The following EMC1 variants were observed in gnomAD, a reference collection of about 807,000 sequenced individuals.
EMC1 encodes the protein KIAA0090.
Under a neutral mutation model 128.8 loss-of-function variants are expected in EMC1, and 103 were observed. The observed-to-expected ratio is 0.80, with a 90% CI of 0.68 to 0.94. The LOEUF is 0.94. Among genes scored for constraint, EMC1 ranks in the 40% least tolerant of loss-of-function variants. EMC1 has a pLI of 0.00. For synonymous variants in EMC1, 442 were observed against 490.4 expected (o/e 0.90, Z 1.30); for missense variants, 1,083 against 1,250.6 (o/e 0.87, Z 2.02).
intron 21 of EMC1, chr1:19,219,948 T>C: frequency 2.1e-6 from 1 of 472,468 alleles, no homozygotes; most frequent in South Asian, 2.9e-5. Flanking sequence ...AGAAAGAACA[T>C]ACAGATGACT....
At chr1:19,249,125 T>C (rs763961589) in intron 1 of EMC1, among the ~76,000 whole-genome samples, 9 of 152,210 alleles carry the variant, frequency 5.9e-5, no homozygotes, top group African/African-American at 1.2e-4. Flanking sequence ...ATAAAATGTT[T>C]GTAAAGTAAA....
At chr1:19,241,935 G>A (rs911747267) in intron 5 of EMC1, among the ~76,000 whole-genome samples, 19 of 152,076 alleles carry the variant, frequency 1.2e-4, no homozygotes, top group African/African-American at 4.3e-4. Flanking sequence ...GCAGGACCTC[G>A]AGAAACCATT....
intron 21 of EMC1, chr1:19,219,912 A>C (rs1558089148): frequency 3.6e-6 from 2 of 551,502 alleles, no homozygotes; most frequent in East Asian, 5.8e-5. Context: ...TGAGATCTAG[A>C]TTCCTACTTT....
rs1021079258 is a variant in EMC1, at chr1:19,217,368, T to C, written c.*1935A>G. On this transcript the variant is annotated 3_prime_UTR_variant, in exon 23 of 23. Transcript: ENST00000477853. Reference sequence around the variant, plus strand: ...TTCGAGACCAGCCTGGCCAACACAATGAAACCCCGTCTCTACTAAAAATAC... The same window carrying C: ...TTCGAGACCAGCCTGGCCAACACAACGAAACCCCGTCTCTACTAAAAATAC... 1 of 152,326 alleles carries C rather than the reference T, an allele frequency of 6.6e-6. No homozygotes were observed. Among genetic ancestry groups the C allele is most frequent in the Admixed American group, 6.5e-5 (1 of 15,284 alleles). The allele number at this position is 152,326 out of a possible 1,614,324, so 9.4% of individuals were successfully genotyped here. A position where few individuals can be genotyped will look rare whatever the true frequency, so the allele number is the denominator to read the frequency against.
rs182507300 is a variant in EMC1, at chr1:19,244,688, C to A, written c.220+218G>T. 31 of 456,916 alleles carry A rather than the reference C, an allele frequency of 6.8e-5. No homozygotes were observed. In the East Asian group the frequency reaches 1.3e-3, roughly 18 times the overall value. 28.3% of individuals were successfully genotyped at this position (456,916 alleles called of 1,614,324 possible). On this transcript the variant is annotated intron_variant, in intron 2 of 22. Transcript: ENST00000477853. Reference sequence around the variant, plus strand: ...CAGCAATATCTTATTTAAGGACACTCAGGATTCAAGCTGAGAGAACAAACC... The same window carrying A: ...CAGCAATATCTTATTTAAGGACACTAAGGATTCAAGCTGAGAGAACAAACC...
At chr1:19,226,686 G>C (rs1234858740) in intron 18 of EMC1, among the ~76,000 whole-genome samples, 1 of 151,490 alleles carries the variant, frequency 6.6e-6, no homozygotes, top group Non-Finnish European at 1.5e-5. Context: ...CTCCCGAGTA[G>C]CTGAGACCAC....
At chr1:19,221,058 C>G in intron 20 of EMC1, 1 of 399,312 alleles carries the variant, frequency 2.5e-6, no homozygotes. Flanking sequence ...TCTTAACTTT[C>G]TGAGACACCA....
intron 20 of EMC1, chr1:19,221,779 A>AT (rs145060121): frequency 2.0e-5 from 3 of 152,122 alleles, no homozygotes; most frequent in Non-Finnish European, 2.9e-5. Flanking sequence ...TAAGGATGAG[A>AT]TTTTAGGGCT....
At chr1:19,244,365 G>A (rs1314409609) in intron 2 of EMC1, among the ~76,000 whole-genome samples, 1 of 152,184 alleles carries the variant, frequency 6.6e-6, no homozygotes, top group Non-Finnish European at 1.5e-5. Context: ...GTAATTAAGT[G>A]AGGGTATCTG....
chr1:19,251,337 T>G, intron 1 of EMC1, 78 bp downstream of exon 1: 3 of 1,335,950 alleles, frequency 2.2e-6, no homozygotes, highest in Middle Eastern at 3.6e-4. Flanking sequence ...TCCTGTTAAG[T>G]GACAACCTTT....
At chr1:19,235,531 C>G (rs1197549212) in intron 12 of EMC1, among the ~76,000 whole-genome samples, 1 of 152,120 alleles carries the variant, frequency 6.6e-6, no homozygotes, top group Non-Finnish European at 1.5e-5. Flanking sequence ...TGAAACCCCT[C>G]TCTACTAAAA....
chr1:19,245,641 T>TTTTTTTTTTTTTG (rs2093628705), intron 1 of EMC1, among the ~76,000 whole-genome samples: 1 of 149,222 alleles, frequency 6.7e-6, no homozygotes, highest in African/African-American at 2.5e-5. Context: ...TTTTTTTTTT[T>TTTTTTTTTTTTTG]GAGACGAAGT....
rs772243812 is a variant in EMC1 at position 19,242,406 on chromosome 1, T to C, written c.448A>G (p.Thr150Ala). The change falls in exon 5 of 23, where the codon ACA (threonine) becomes GCA (alanine). Residue 150 changes from threonine (T) to alanine (A), a missense_variant. Coordinates refer to ENST00000477853, the MANE Select transcript of EMC1 (RefSeq NM_015047.3). ...CTGGAGAGGTGATGGAGGGCAAGTGTAGTCTTCTTCAGGACTGCGATGTAC... is the reference window on the plus strand; with the variant it reads ...CTGGAGAGGTGATGGAGGGCAAGTGCAGTCTTCTTCAGGACTGCGATGTAC... The part of the protein sequence containing the change: ...VRYIAVLKKT[T>A]LALHHLSSGH... 4 of 1,613,942 alleles carry C rather than the reference T, an allele frequency of 2.5e-6. 1 individual carries two copies. Among genetic ancestry groups the C allele is most frequent in the South Asian group, 2.2e-5 (2 of 91,088 alleles).
At position 19,230,831 on chromosome 1, in the gene EMC1, C is replaced by T. The variant is rs778848007; in HGVS notation, c.2064+13G>A. ...TCATCCACAAAGGGTTGTGCCAGGACATGCCTTCCTACCTTTCGAAGCCGA... is the reference window on the plus strand; with the variant it reads ...TCATCCACAAAGGGTTGTGCCAGGATATGCCTTCCTACCTTTCGAAGCCGA... On this transcript the variant is annotated intron_variant, in intron 17 of 22. Coordinates refer to ENST00000477853, the MANE Select transcript of EMC1 (RefSeq NM_015047.3). 2 of 1,613,682 alleles carry T rather than the reference C, an allele frequency of 1.2e-6. No individual in the cohort carries two copies. Among genetic ancestry groups the T allele is most frequent in the Non-Finnish European group, 1.7e-6 (2 of 1,179,898 alleles).
At position 19,243,621 on chromosome 1, in the gene EMC1, T is replaced by C. The variant is rs142586837; in HGVS notation, c.373A>G (p.Ser125Gly). The change falls in exon 4 of 23, where the codon AGT becomes GGT. Residue 125 changes from serine to glycine, a missense_variant. By Grantham distance (56) the Ser-to-Gly change is moderately conservative. This residue lies in a region of EMC1 where 544 missense variants were observed against 572.4 expected (regional missense o/e 0.95). Coordinates refer to ENST00000477853, the MANE Select transcript of EMC1 (RefSeq NM_015047.3). ...GGLNWEITLD[S>G]GSFQALGLVG... ...ATCCAGTTTCTCCCCTACCTGCCAC[T>C]GTCCAGGGTTATCTCCCAGTTCAGG... The C allele has an allele frequency of 2.0e-5, 32 of 1,614,034 alleles. No individual in the cohort carries two copies. The African/African-American group carries it at 4.3e-4, about 22-fold the overall frequency.
rs1028344321 is a variant in EMC1 at position 19,249,040 on chromosome 1, A to C, written c.95+2375T>G. Among the ~76,000 whole-genome samples, 10 of 152,296 alleles carry C rather than the reference A, an allele frequency of 6.6e-5. No homozygotes were observed. In the South Asian group the frequency reaches 1.2e-3, roughly 19 times the overall value. On this transcript the variant is annotated intron_variant, in intron 1 of 22. Coordinates refer to ENST00000477853, the MANE Select transcript of EMC1 (RefSeq NM_015047.3). The stretch of plus-strand genomic sequence containing the variant: ...AGATCCCATGTCAAAAATAAATTTT[A>C]AAAATATATTTTTGTACAGCTGTAA...
intron 4 of EMC1, 44 bp downstream of exon 4, chr1:19,243,570 G>A: frequency 2.6e-6 from 4 of 1,536,516 alleles, no homozygotes; most frequent in Non-Finnish European, 3.6e-6. Context: ...GTGTTCCGGT[G>A]AAGCCTTTAA....
intron 15 of EMC1, among the ~76,000 whole-genome samples, chr1:19,232,229 C>T (rs2093528862): frequency 6.6e-6 from 1 of 152,174 alleles, no homozygotes; most frequent in Non-Finnish European, 1.5e-5. Context: ...ACCAGGCAGC[C>T]GTTCCAGGAA....
Position 19,220,745 on chromosome 1 carries a change from C to A in EMC1, c.2672+19G>T. Reference sequence around the variant, plus strand: ...TTATGTAAGGTCAGAGCCTTCAGCACTGCCCATGAGGGTCTCACCTGCTTT... The same window carrying A: ...TTATGTAAGGTCAGAGCCTTCAGCAATGCCCATGAGGGTCTCACCTGCTTT... On this transcript the variant is annotated intron_variant, in intron 21 of 22. Coordinates refer to ENST00000477853, the MANE Select transcript of EMC1 (RefSeq NM_015047.3). The A allele has an allele frequency of 6.3e-7, 1 of 1,597,746 alleles. No individual in the cohort carries two copies. The highest frequency in any genetic ancestry group is 1.1e-5 in the South Asian group (1 of 89,746).
Sources: gnomAD v4.1 joint callset for allele counts (sites outside exome capture counted in the v4.1 genomes callset) on GRCh38, gnomAD v4.1.1 for gene constraint, gnomAD v4.1.1 regional missense constraint, MANE v1.5 for transcripts, NCBI Gene and HGNC (gene_info 2026-07-23, HGNC 2026-07-21) for gene names.